NOTCH2NLB: variants seen among roughly 807,000 people sequenced by gnomAD.
NOTCH2NLB encodes notch homolog 2 N-terminal-like protein B.
In NOTCH2NLB, 1 loss-of-function variant was observed where a neutral mutation model predicts 14.8. The observed-to-expected ratio is 0.07, with a 90% CI of 0.02 to 0.32. NOTCH2NLB has a LOEUF of 0.32. NOTCH2NLB is among the 10% of genes least tolerant of loss of function. The probability of loss-of-function intolerance (pLI) is 1.00; values close to 1 mark genes in which losing one functional copy is unlikely to be tolerated. For missense variants in NOTCH2NLB, 11 were observed against 155.0 expected (o/e 0.07, Z 4.93); for synonymous variants, 6 against 57.5 (o/e 0.10, Z 4.05).
chr1:148,661,501 C>T (rs1404373210), intron 1 of NOTCH2NLB, among the ~76,000 whole-genome samples: 8 of 147,898 alleles, frequency 5.4e-5, no homozygotes, highest in Admixed American at 6.7e-5. Flanking sequence ...TTCAACCTGT[C>T]GTGAATAAAA....
rs1274504070 is a variant in NOTCH2NLB, at chr1:148,679,516, C to A, written c.-52G>T. On this transcript the variant is annotated 5_prime_UTR_variant, in exon 1 of 5. Coordinates refer to ENST00000593495, the Ensembl canonical transcript of NOTCH2NLB. ...AGCGCCAGCAGCGCCCACAGCAGAG[C>A]GGGGCGCAGGGCGGGCATCTTCTCG... 7.8e-5 allele frequency: 89 copies of A among 1,134,904 alleles called. 25 individuals are homozygous for A. The African/African-American group carries it at 1.3e-3, about 16-fold the overall frequency. The allele number at this position is 1,134,904 out of a possible 1,614,324, so 70.3% of individuals were successfully genotyped here.
the NOTCH2NLB span, among the ~76,000 whole-genome samples, chr1:148,685,040 G>A: frequency 1.1e-5 from 1 of 91,226 alleles, no homozygotes; most frequent in Non-Finnish European, 2.3e-5. Context: ...CTTCTTTTAA[G>A]CATTTTATGC....
chr1:148,638,248 T>C (rs1164923161), intron 2 of NOTCH2NLB, among the ~76,000 whole-genome samples: 1 of 148,958 alleles, frequency 6.7e-6, no homozygotes, highest in Non-Finnish European at 1.5e-5. Flanking sequence ...CGGTATCTAC[T>C]TAGCACCTTT....
the NOTCH2NLB span, among the ~76,000 whole-genome samples, chr1:148,707,965 C>CG: frequency 1.2e-5 from 1 of 81,156 alleles, no homozygotes; most frequent in African/African-American, 5.2e-5. Flanking sequence ...TTCCCCCCCC[C>CG]CCACCTTTTC....
intron 2 of NOTCH2NLB, among the ~76,000 whole-genome samples, chr1:148,623,050 G>A (rs1156707036): frequency 9.7e-6 from 1 of 103,390 alleles, no homozygotes; most frequent in Non-Finnish European, 1.9e-5. Context: ...TGTGAATCTA[G>A]CAATTTCCCC....
chr1:148,670,536 A>T (rs1664745072), intron 1 of NOTCH2NLB, among the ~76,000 whole-genome samples: 1 of 45,226 alleles, frequency 2.2e-5, no homozygotes, highest in South Asian at 1.0e-3. Context: ...AACTAAAAAA[A>T]AAAATATATA....
At chr1:148,634,389 C>T (rs1412901920) in intron 2 of NOTCH2NLB, among the ~76,000 whole-genome samples, 4 of 143,460 alleles carry the variant, frequency 2.8e-5, no homozygotes, top group Non-Finnish European at 6.2e-5. Flanking sequence ...GCCCCTGTGC[C>T]TCCCTGAATG....
chr1:148,605,395 T>C (rs1299387939), downstream of NOTCH2NLB, among the ~76,000 whole-genome samples: 953 of 144,146 alleles, frequency 6.6e-3, 94 homozygotes, highest in Admixed American at 0.053. Flanking sequence ...TTTCTCTTCA[T>C]TGAATCTCCC....
downstream of NOTCH2NLB, among the ~76,000 whole-genome samples, chr1:148,604,950 T>TACACAC (rs1186780760): frequency 3.2e-4 from 40 of 126,346 alleles, no homozygotes; most frequent in South Asian, 5.1e-4. Flanking sequence ...CAACGCCATA[T>TACACAC]ACACACACAC....
the NOTCH2NLB span, among the ~76,000 whole-genome samples, chr1:148,702,470 A>G: frequency 9.0e-6 from 1 of 110,974 alleles, no homozygotes; most frequent in Non-Finnish European, 2.0e-5. Flanking sequence ...CAACTCCTCT[A>G]AGCACAGTTC....
rs1291896991 is a variant in NOTCH2NLB at position 148,608,149 on chromosome 1, A to G, written c.338-404T>C. ...CACACCTGTAATTCCAGCACTTTGG[A>G]AGGCCGAGGCAGGCAGATCATGAGG... On this transcript the variant is annotated intron_variant, in intron 3 of 4. Transcript: ENST00000593495. Among the ~76,000 whole-genome samples the G allele has an allele frequency of 1.0e-4, 14 of 135,832 alleles. 1 individual carries two copies. The highest frequency in any genetic ancestry group is 1.5e-4 in the Non-Finnish European group (10 of 65,878). 89.1% of individuals were successfully genotyped at this position (135,832 alleles called of 152,430 possible).
chr1:148,670,539 A>AAATATATATATACAT (rs1445301786), intron 1 of NOTCH2NLB, among the ~76,000 whole-genome samples: 4 of 93,462 alleles, frequency 4.3e-5, no homozygotes, highest in African/African-American at 1.7e-4. Context: ...TAAAAAAAAA[A>AAATATATATATACAT]ATATATATAT....
intron 3 of NOTCH2NLB, among the ~76,000 whole-genome samples, chr1:148,609,718 GTTT>G (rs1663624151): frequency 7.6e-6 from 1 of 131,384 alleles, no homozygotes; most frequent in African/African-American, 3.1e-5. Context: ...AGACACAAGA[GTTT>G]TTCTATAAGG....
chr1:148,670,373 T>C (rs1178582485), intron 1 of NOTCH2NLB, among the ~76,000 whole-genome samples: 26 of 145,354 alleles, frequency 1.8e-4, no homozygotes, highest in South Asian at 1.6e-3. Flanking sequence ...ACTGATGATA[T>C]GAAAAAACAT....
chr1:148,632,817 AAGG>A (rs1301162494), intron 2 of NOTCH2NLB, among the ~76,000 whole-genome samples: 4,996 of 96,816 alleles, frequency 0.052, 270 homozygotes, highest in Non-Finnish European at 0.068. Flanking sequence ...AGTAAAAAGA[AAGG>A]AGAAGTTTCA....
At chr1:148,610,892 CAAAAAAA>C (rs1213221121) in intron 3 of NOTCH2NLB, among the ~76,000 whole-genome samples, 573 of 34,312 alleles carry the variant, frequency 0.017, 30 homozygotes, top group African/African-American at 0.06. Flanking sequence ...TACTCCATCT[CAAAAAAA>C]AAAAAAAAAA....
the NOTCH2NLB span, among the ~76,000 whole-genome samples, chr1:148,703,102 T>A: frequency 5.8e-5 from 1 of 17,182 alleles, no homozygotes; most frequent in African/African-American, 2.1e-4. Flanking sequence ...ACAGCGAGAC[T>A]CCGTCTCAAA....
chr1:148,615,110 T>G (rs1285434490), intron 3 of NOTCH2NLB, among the ~76,000 whole-genome samples: 1 of 139,588 alleles, frequency 7.2e-6, no homozygotes, highest in Non-Finnish European at 1.6e-5. Context: ...TTTAGTGAAG[T>G]AAACTCTGAT....
downstream of NOTCH2NLB, among the ~76,000 whole-genome samples, chr1:148,605,003 C>CA (rs1336276575): frequency 4.2e-5 from 6 of 142,864 alleles, no homozygotes; most frequent in Non-Finnish European, 9.2e-5. Flanking sequence ...TGATATGTAA[C>CA]AAGTACTATT....
Sources: gnomAD v4.1 joint callset for allele counts (sites outside exome capture counted in the v4.1 genomes callset) on GRCh38, gnomAD v4.1.1 for gene constraint, MANE v1.5 for transcripts, NCBI Gene and HGNC (gene_info 2026-07-23, HGNC 2026-07-21) for gene names.